Variants in NOMO2 observed in about 807,000 individuals in gnomAD.
NOMO2 encodes NODAL modulator 2.
A neutral mutation model predicts 67.1 loss-of-function variants in NOMO2; 14 were observed. The ratio of observed to expected loss-of-function variants is 0.21; its 90% CI spans 0.14 to 0.33. NOMO2 has a LOEUF of 0.33. Ranked by LOEUF, NOMO2 falls within the 10% of genes least tolerant of loss-of-function variation. The pLI, the probability that NOMO2 is intolerant of heterozygous loss-of-function variation, is 1.00. For synonymous variants in NOMO2, 80 were observed against 305.9 expected, an observed-to-expected ratio of 0.26 and a Z score of 7.71; for missense variants, 178 against 761.0, an observed-to-expected ratio of 0.23 and a Z score of 9.01.
At chr16:18,559,220 T>C (rs1430119821) in intron 1 of NOMO2, among the ~76,000 whole-genome samples, 1 of 152,088 alleles carries the variant, frequency 6.6e-6, no homozygotes, top group Non-Finnish European at 1.5e-5. Flanking sequence ...TACTGTTTAA[T>C]ATCTCTCTCT....
chr16:18,528,426 G>A (rs1901199970), intron 15 of NOMO2, among the ~76,000 whole-genome samples: 1 of 151,954 alleles, frequency 6.6e-6, no homozygotes, highest in East Asian at 1.9e-4. Flanking sequence ...GCAGTTAGGG[G>A]AGTAAGTTGG....
chr16:18,526,463 A>G (rs1238374626), intron 16 of NOMO2, among the ~76,000 whole-genome samples: 2 of 151,996 alleles, frequency 1.3e-5, no homozygotes, highest in African/African-American at 4.8e-5. Context: ...AGACTTGTAC[A>G]AGAATGTCCG....
At chr16:18,550,212 T>TATAAAA (rs1901749770) in intron 4 of NOMO2, among the ~76,000 whole-genome samples, 1 of 25,462 alleles carries the variant, frequency 3.9e-5, no homozygotes, top group East Asian at 7.3e-4. Flanking sequence ...AAAATAAAAA[T>TATAAAA]ATAAAAATTA....
chr16:18,555,615 GT>G (rs571619958), intron 2 of NOMO2, among the ~76,000 whole-genome samples: 14 of 149,708 alleles, frequency 9.4e-5, no homozygotes, highest in African/African-American at 1.2e-4. Flanking sequence ...TTCTGTTTTA[GT>G]TTTTTTTTTT....
intron 11 of NOMO2, 31 bp from the exon 12 acceptor site, chr16:18,533,210 G>A (rs201900993): frequency 0.014 from 22,503 of 1,606,196 alleles, 254 homozygotes; most frequent in South Asian, 0.02. Context: ...ATTCCAGCAC[G>A]AGGACTCAAT....
At position 18,543,694 on chromosome 16, in the gene NOMO2, A is replaced by G; in HGVS notation, c.658T>C (p.Ser220Pro). The change falls in exon 7 of 31, where the codon TCT (serine) becomes CCT (proline). Residue 220 changes from serine to proline, a missense_variant. Coordinates refer to ENST00000622306, the MANE Select transcript of NOMO2 (RefSeq NM_173614.4). ...TCCCCATCACTTCGGACAGAGCCAG[A>G]CACATTGTAGCCAGCAACTATGAGG... is the stretch of plus-strand genomic sequence containing the variant. Reference protein sequence around the residue: ...SPLIVAGYNVSGSVRSDGEPM... With the variant: ...SPLIVAGYNVPGSVRSDGEPM... 6.2e-7 allele frequency: 1 copy of G among 1,611,462 alleles called. No individual in the cohort carries two copies. The highest frequency in any genetic ancestry group is 8.5e-7 in the Non-Finnish European group (1 of 1,179,716).
intron 6 of NOMO2, among the ~76,000 whole-genome samples, chr16:18,545,466 A>C (rs1427262521): frequency 1.3e-5 from 2 of 151,778 alleles, no homozygotes; most frequent in Non-Finnish European, 2.9e-5. Flanking sequence ...ATAAACAGTA[A>C]GAAGAGACAT....
intron 1 of NOMO2, among the ~76,000 whole-genome samples, chr16:18,561,191 A>C (rs1279066886): frequency 2.8e-5 from 4 of 141,130 alleles, no homozygotes; most frequent in South Asian, 2.4e-4. Context: ...AAAAAAAAAA[A>C]AAAAAAAAAA....
chr16:18,556,304 G>A (rs183443893), intron 2 of NOMO2, among the ~76,000 whole-genome samples: 3,163 of 148,610 alleles, frequency 0.021, no homozygotes, highest in African/African-American at 0.029. Context: ...TACAAAAAAA[G>A]TTAGCTGGGC....
chr16:18,551,303 G>C (rs1363570599), intron 4 of NOMO2, 136 bp downstream of exon 4: 1 of 632,478 alleles, frequency 1.6e-6, no homozygotes, highest in African/African-American at 1.8e-5. Context: ...AGAGTTCACA[G>C]GCTCACTTGC....
Position 18,531,565 on chromosome 16 carries a change from T to C in NOMO2, c.1438A>G (p.Lys480Glu), listed in dbSNP as rs144732630. Reference protein sequence around the residue: ...EAETRAGLTLKPQTFPLTVTD... With the variant: ...EAETRAGLTLEPQTFPLTVTD... Reference sequence around the variant, plus strand: ...ACAGTAAGAGGAAATGTCTGGGGTTTCAACGTCAGCCCTGCTCTGGTTTCT... The same window carrying C: ...ACAGTAAGAGGAAATGTCTGGGGTTCCAACGTCAGCCCTGCTCTGGTTTCT... The change falls in exon 13 of 31, where the codon AAA becomes GAA. Residue 480 changes from lysine (K) to glutamate (E), a missense_variant. Coordinates refer to ENST00000622306, the MANE Select transcript of NOMO2 (RefSeq NM_173614.4). The C allele has an allele frequency of 2.3e-4, 373 of 1,611,066 alleles. 1 individual carries two copies. The highest frequency in any genetic ancestry group is 3.0e-4 in the Non-Finnish European group (354 of 1,179,218).
In NOMO2 at chr16:18,531,354, C is replaced by T. The variant is rs896568973; in HGVS notation, c.1537+112G>A. The T allele has an allele frequency of 2.9e-5, 45 of 1,560,724 alleles. 1 individual carries two copies. In the South Asian group the frequency reaches 3.1e-4, roughly 11 times the overall value. Reference sequence around the variant, plus strand: ...TTGACTCCAAGAAGCCTCCCTCGCACGCAGGTGATCAGTAGCAAACAACAA... The same window carrying T: ...TTGACTCCAAGAAGCCTCCCTCGCATGCAGGTGATCAGTAGCAAACAACAA... On this transcript the variant is annotated intron_variant, in intron 13 of 30. Coordinates refer to ENST00000622306, the MANE Select transcript of NOMO2 (RefSeq NM_173614.4).
intron 2 of NOMO2, among the ~76,000 whole-genome samples, chr16:18,557,069 G>A (rs536854719): frequency 1.3e-5 from 2 of 152,064 alleles, no homozygotes; most frequent in African/African-American, 2.4e-5. Flanking sequence ...GGAGGTTGGA[G>A]TGAGGCAAGA....
At chr16:18,554,146 A>G (rs1411904411) in intron 3 of NOMO2, among the ~76,000 whole-genome samples, 2 of 151,904 alleles carry the variant, frequency 1.3e-5, no homozygotes, top group Non-Finnish European at 2.9e-5. Context: ...GAAAGTTTGG[A>G]GCTTTTGTTG....
At chr16:18,536,589 G>C (rs571015456) in intron 11 of NOMO2, among the ~76,000 whole-genome samples, 1 of 151,862 alleles carries the variant, frequency 6.6e-6, no homozygotes, top group African/African-American at 2.4e-5. Context: ...GGGCTCAAGC[G>C]ATCCACCCGC....
At chr16:18,558,755 G>T in intron 1 of NOMO2, 1 of 444,404 alleles carries the variant, frequency 2.3e-6, no homozygotes, top group Non-Finnish European at 4.6e-6. Context: ...GTGTTGTGTG[G>T]CCTTGGGCAA....
intron 11 of NOMO2, 193 bp from the exon 12 acceptor site, chr16:18,533,372 C>A: frequency 3.9e-6 from 2 of 517,460 alleles, no homozygotes; most frequent in Non-Finnish European, 6.9e-6. Context: ...TAAAAAGCAA[C>A]CTTCAGAAGC....
At chr16:18,535,931 G>T (rs534247783) in intron 11 of NOMO2, among the ~76,000 whole-genome samples, 1 of 151,992 alleles carries the variant, frequency 6.6e-6, no homozygotes, top group East Asian at 1.9e-4. Flanking sequence ...TGAGTTGCTG[G>T]GATTACAGGA....
At chr16:18,539,242 T>C (rs1182300833) in intron 9 of NOMO2, among the ~76,000 whole-genome samples, 1 of 150,022 alleles carries the variant, frequency 6.7e-6, no homozygotes, top group African/African-American at 2.4e-5. Flanking sequence ...GACTCAAGCT[T>C]CTAGAAGCCC....
Sources: gnomAD v4.1 joint callset for allele counts (sites outside exome capture counted in the v4.1 genomes callset) on GRCh38, gnomAD v4.1.1 for gene constraint, MANE v1.5 for transcripts, NCBI Gene and HGNC (gene_info 2026-07-23, HGNC 2026-07-21) for gene names.